Variants in NR2C1 observed in about 807,000 individuals in gnomAD.
NR2C1 encodes the protein TR2 nuclear hormone receptor.
In NR2C1, 33 loss-of-function variants were observed where a neutral mutation model predicts 74.8. That is an observed-to-expected ratio of 0.44 (90% CI 0.33 to 0.59). The LOEUF is 0.59. Ranked by LOEUF, NR2C1 falls within the 20% of genes least tolerant of loss-of-function variation. The pLI is 0.02. For missense variants in NR2C1, 568 were observed against 715.6 expected (o/e 0.79, Z 2.35); for synonymous variants, 225 against 240.6 (o/e 0.94, Z 0.60).
intron 9 of NR2C1, among the ~76,000 whole-genome samples, chr12:95,044,428 C>A (rs546976535): frequency 1.3e-5 from 2 of 151,570 alleles, no homozygotes; most frequent in Non-Finnish European, 2.9e-5. Flanking sequence ...CCACCACACC[C>A]GGCTAATTTT....
rs547237805 is a variant in NR2C1, at chr12:95,026,209, A to G, written c.1532-954T>C. Among the ~76,000 whole-genome samples the G allele has an allele frequency of 2.9e-3, 429 of 147,686 alleles. 1 individual carries two copies. Among genetic ancestry groups the G allele is most frequent in the African/African-American group, 9.9e-3 (403 of 40,598 alleles). Reference sequence around the variant, plus strand: ...GCAACAGAGTGAGACTCCGTCTCCAAAAAAAAAAAAAAGGCATTTTAAATC... The same window carrying G: ...GCAACAGAGTGAGACTCCGTCTCCAGAAAAAAAAAAAAGGCATTTTAAATC... On this transcript the variant is annotated intron_variant, in intron 12 of 13. Transcript: ENST00000333003.
Position 95,022,308 on chromosome 12 carries a change from C to T in NR2C1, c.1733G>A (p.Arg578Gln), listed in dbSNP as rs767626587. ...LFFKGLIGNI[R>Q]IDSVIPHILK... ...AATATGTGGGATAACACTGTCAATTCGTATATTGCCAATGAGACCTTTGAA... is the reference window on the plus strand; with the variant it reads ...AATATGTGGGATAACACTGTCAATTTGTATATTGCCAATGAGACCTTTGAA... The change falls in exon 14 of 14, where the codon CGA becomes CAA. Residue 578 changes from arginine to glutamine, a missense_variant. Transcript: ENST00000333003. 4.3e-6 allele frequency: 7 copies of T among 1,612,494 alleles called. No individual in the cohort carries two copies. The highest frequency in any genetic ancestry group is 5.1e-6 in the Non-Finnish European group (6 of 1,179,000).
In NR2C1 at chr12:95,062,498, A is replaced by G; in HGVS notation, c.285+10T>C. 24 of 1,567,688 alleles carry G rather than the reference A, an allele frequency of 1.5e-5. No individual in the cohort carries two copies. Among genetic ancestry groups the G allele is most frequent in the Middle Eastern group, 1.7e-4 (1 of 6,000 alleles). On this transcript the variant is annotated intron_variant, in intron 3 of 13. Coordinates refer to ENST00000333003, the MANE Select transcript of NR2C1 (RefSeq NM_003297.4). ...ATGTAAGAGGAAAAGACACTTCTAT[A>G]GTTATTTACCTGCAGGTGTTGTGCA...
Position 95,059,893 on chromosome 12 carries a change from T to C in NR2C1, c.364+13A>G. On this transcript the variant is annotated intron_variant, in intron 4 of 13. Coordinates refer to ENST00000333003, the MANE Select transcript of NR2C1 (RefSeq NM_003297.4). Reference sequence around the variant, plus strand: ...TTTTTTTTCTGTTTTTAGGAGGTTATTCTTAATGTTACCTGATGCTTTGTC... The same window carrying C: ...TTTTTTTTCTGTTTTTAGGAGGTTACTCTTAATGTTACCTGATGCTTTGTC... The C allele has an allele frequency of 6.4e-7, 1 of 1,567,406 alleles. No individual in the cohort carries two copies. Among genetic ancestry groups the C allele is most frequent in the Non-Finnish European group, 8.6e-7 (1 of 1,160,878 alleles).
chr12:95,055,952 C>CAAAAAAA (rs3048563), intron 7 of NR2C1, among the ~76,000 whole-genome samples: 1 of 56,502 alleles, frequency 1.8e-5, no homozygotes, highest in African/African-American at 7.4e-5. Flanking sequence ...GACTCCGTCT[C>CAAAAAAA]AAAAAAAAAA....
chr12:95,040,324 T>G (rs1234346743), intron 10 of NR2C1, 152 bp downstream of exon 10: 3 of 647,418 alleles, frequency 4.6e-6, no homozygotes, highest in Non-Finnish European at 7.4e-6. Flanking sequence ...ACTAGTTAGC[T>G]GCCATGATTT....
chr12:95,052,414 A>G (rs554115859), intron 7 of NR2C1, among the ~76,000 whole-genome samples: 8 of 152,280 alleles, frequency 5.3e-5, no homozygotes, highest in Admixed American at 3.9e-4. Flanking sequence ...TCGGCCTCCC[A>G]AAGTGTTGGG....
chr12:95,053,580 C>G (rs1161431372), intron 7 of NR2C1, among the ~76,000 whole-genome samples: 2 of 151,794 alleles, frequency 1.3e-5, no homozygotes, highest in Non-Finnish European at 1.5e-5. Context: ...CCCATCCTAA[C>G]CTAATGAGAA....
At chr12:95,064,946 A>G (rs34704705) in intron 2 of NR2C1, among the ~76,000 whole-genome samples, 6,803 of 152,292 alleles carry the variant, frequency 0.045, 206 homozygotes, top group Middle Eastern at 0.095. Context: ...TTTGGATAAA[A>G]GACTAATAGT....
intron 7 of NR2C1, among the ~76,000 whole-genome samples, chr12:95,053,107 C>A (rs545598751): frequency 3.9e-5 from 6 of 152,120 alleles, no homozygotes; most frequent in African/African-American, 1.4e-4. Context: ...CCTCAGCCTC[C>A]TGACTACGGG....
At chr12:95,023,164 C>T (rs554287858) in intron 13 of NR2C1, among the ~76,000 whole-genome samples, 4 of 151,890 alleles carry the variant, frequency 2.6e-5, no homozygotes, top group South Asian at 4.2e-4. Flanking sequence ...TAAAATCAGC[C>T]GGGCATGACC....
chr12:95,042,027 G>A (rs1828557648), intron 9 of NR2C1, among the ~76,000 whole-genome samples: 1 of 152,024 alleles, frequency 6.6e-6, no homozygotes, highest in South Asian at 2.1e-4. Context: ...GGAAAAAACT[G>A]TAAAACAGTA....
At chr12:95,073,073 G>A (rs1187820462) in intron 1 of NR2C1, 2 of 152,286 alleles carry the variant, frequency 1.3e-5, no homozygotes, top group Admixed American at 6.5e-5. Context: ...AAGGTCAGAG[G>A]CGCTGCGGTA....
chr12:95,022,886 A>G (rs1194070799), intron 13 of NR2C1, among the ~76,000 whole-genome samples: 2 of 142,426 alleles, frequency 1.4e-5, no homozygotes, highest in African/African-American at 5.2e-5. Context: ...TTTTTTTTGT[A>G]GAGACAGGGT....
At chr12:95,030,333 T>G in intron 11 of NR2C1, 14 of 646,696 alleles carry the variant, frequency 2.2e-5, no homozygotes, top group Non-Finnish European at 3.0e-5. Context: ...ATCTACATGT[T>G]TCACTACCAA....
rs146965181 is a variant in NR2C1, at chr12:95,055,542, T to G, written c.783+2011A>C. ...AACTTGCCTAATGTTATATAGCTAGTAAGTGGTAGATGAAATTTGATTTCC... is the reference window on the plus strand; with the variant it reads ...AACTTGCCTAATGTTATATAGCTAGGAAGTGGTAGATGAAATTTGATTTCC... On this transcript the variant is annotated intron_variant, in intron 7 of 13. Transcript: ENST00000333003. 2.6e-5 allele frequency among the ~76,000 whole-genome samples: 4 copies of G among 152,330 alleles called. No individual in the cohort carries two copies. In the East Asian group the frequency reaches 5.8e-4, roughly 22 times the overall value.
At position 95,020,244 on chromosome 12, in the gene NR2C1, A is replaced by G. The variant is rs1592713104; in HGVS notation, c.*1985T>C. On this transcript the variant is annotated 3_prime_UTR_variant, in exon 14 of 14. Coordinates refer to ENST00000333003, the MANE Select transcript of NR2C1 (RefSeq NM_003297.4). ...AAGCAATCACTGAAAAGGAAAATGA[A>G]TAATATATTTACAAATATACTGGTA... The G allele has an allele frequency of 6.6e-6, 1 of 152,224 alleles. No homozygotes were observed. Among genetic ancestry groups the G allele is most frequent in the African/African-American group, 2.4e-5 (1 of 41,458 alleles). 9.4% of individuals were successfully genotyped at this position (152,224 alleles called of 1,614,324 possible).
intron 2 of NR2C1, among the ~76,000 whole-genome samples, chr12:95,064,009 A>G (rs1205359793): frequency 7.1e-6 from 1 of 141,012 alleles, no homozygotes; most frequent in East Asian, 2.0e-4. Context: ...AGCCTGGGCG[A>G]CAGAGGACTC....
chr12:95,059,828 G>A, intron 4 of NR2C1, 78 bp downstream of exon 4: 1 of 940,204 alleles, frequency 1.1e-6, no homozygotes, highest in Non-Finnish European at 1.6e-6. Context: ...ATGGTAGTGT[G>A]GTAGTTATTT....
Sources: gnomAD v4.1 joint callset for allele counts (sites outside exome capture counted in the v4.1 genomes callset) on GRCh38, gnomAD v4.1.1 for gene constraint, MANE v1.5 for transcripts, NCBI Gene and HGNC (gene_info 2026-07-23, HGNC 2026-07-21) for gene names.